The following GCNT2 variants were observed in gnomAD, a reference collection of about 807,000 sequenced individuals.
GCNT2 encodes the protein glucosaminyl (N-acetyl) transferase 2 (I blood group).
A neutral mutation model predicts 34.2 loss-of-function variants in GCNT2; 34 were observed. That is an observed-to-expected ratio of 1.00 (90% CI 0.76 to 1.32). GCNT2 has a LOEUF of 1.32. Among genes scored for constraint, GCNT2 ranks in the 40% most tolerant of loss-of-function variants. The pLI, the probability that GCNT2 is intolerant of heterozygous loss-of-function variation, is 0.00. For synonymous variants in GCNT2, 212 were observed against 188.0 expected, an observed-to-expected ratio of 1.13 and a Z score of -1.04; for missense variants, 584 against 489.4, an observed-to-expected ratio of 1.19 and a Z score of -1.82.
At chr6:10,598,975 G>A (rs1000459595) in intron 3 of GCNT2, among the ~76,000 whole-genome samples, 2 of 152,174 alleles carry the variant, frequency 1.3e-5, no homozygotes, top group African/African-American at 4.8e-5. Flanking sequence ...GTAAATAAGT[G>A]TTGTATTTAT....
intron 1 of GCNT2, among the ~76,000 whole-genome samples, chr6:10,522,031 G>A (rs1276359548): frequency 2.0e-5 from 3 of 151,848 alleles, no homozygotes; most frequent in African/African-American, 7.3e-5. Context: ...GGGACTACAG[G>A]CATGCACAAC....
chr6:10,556,163 G>C, intron 3 of GCNT2: 1 of 1,361,226 alleles, frequency 7.3e-7, no homozygotes, highest in Non-Finnish European at 9.5e-7. Context: ...AGAGGGAGGA[G>C]GGAAGGCTGG....
At chr6:10,622,034 C>T (rs1447151224) in intron 4 of GCNT2, among the ~76,000 whole-genome samples, 1 of 152,228 alleles carries the variant, frequency 6.6e-6, no homozygotes, top group Admixed American at 6.5e-5. Flanking sequence ...TCCCTGCTCC[C>T]CCTACAGGCA....
rs527866839 is a variant in GCNT2, at chr6:10,526,654, G to A, written c.-468-820G>A. Among the ~76,000 whole-genome samples the A allele has an allele frequency of 2.0e-5, 3 of 152,158 alleles. No individual in the cohort carries two copies. In the South Asian group the frequency reaches 6.2e-4, roughly 32 times the overall value. On this transcript the variant is annotated intron_variant, in intron 1 of 4. Coordinates refer to ENST00000495262, the MANE Select transcript of GCNT2 (RefSeq NM_145649.5). ...CCTGGCCTCGAGCTCCTCCCGCCTT[G>A]GCCTCCCAAAAGTGCTGAGATTACA... is the stretch of plus-strand genomic sequence containing the variant.
Position 10,529,075 on chromosome 6 carries a change from G to A in GCNT2, c.164G>A (p.Gly55Glu). Residue 55 changes from glycine to glutamate, a missense_variant, in exon 3 of 5, where the codon GGG (glycine) becomes GAG (glutamate). Gly to Glu is a moderately conservative substitution (Grantham distance 98). Coordinates refer to ENST00000495262, the MANE Select transcript of GCNT2 (RefSeq NM_145649.5). Reference sequence around the variant, plus strand: ...GAAGCCTGTCATCAGATTTTTGAGGGGAAAGTTTTTTACCCAACAGAAAAT... The same window carrying A: ...GAAGCCTGTCATCAGATTTTTGAGGAGAAAGTTTTTTACCCAACAGAAAAT... Reference protein sequence around the residue: ...LAEACHQIFEGKVFYPTENAL... With the variant: ...LAEACHQIFEEKVFYPTENAL... 6.2e-7 allele frequency: 1 copy of A among 1,614,028 alleles called. No individual in the cohort carries two copies.
intron 3 of GCNT2, among the ~76,000 whole-genome samples, chr6:10,563,289 C>G (rs2127387214): frequency 6.6e-6 from 1 of 152,256 alleles, no homozygotes; most frequent in African/African-American, 2.4e-5. Flanking sequence ...GTACCCTTTT[C>G]TCTCATAAAA....
Position 10,576,378 on chromosome 6 carries a change from G to T in GCNT2, c.926-44973G>T, listed in dbSNP as rs560238363. On this transcript the variant is annotated intron_variant, in intron 3 of 4. Coordinates refer to ENST00000495262, the MANE Select transcript of GCNT2 (RefSeq NM_145649.5). ...CACAGCTTTAAATACCTACTACACA[G>T]CCCTGTGCAGAAGAAACACTGATGC... Among the ~76,000 whole-genome samples the T allele has an allele frequency of 5.9e-5, 9 of 152,280 alleles. No homozygotes were observed. The East Asian group carries it at 1.5e-3, about 26-fold the overall frequency.
chr6:10,524,366 C>T (rs901669473), intron 1 of GCNT2, among the ~76,000 whole-genome samples: 2 of 151,948 alleles, frequency 1.3e-5, no homozygotes, highest in South Asian at 2.1e-4. Context: ...ATTCTCCTGC[C>T]TCAGCCTCCT....
intron 3 of GCNT2, among the ~76,000 whole-genome samples, chr6:10,595,081 T>G (rs1054104609): frequency 6.6e-6 from 1 of 152,164 alleles, no homozygotes; most frequent in Non-Finnish European, 1.5e-5. Context: ...CTTGATCATT[T>G]TGATTTCCAT....
At chr6:10,557,453 T>G in intron 3 of GCNT2, 1 of 853,112 alleles carries the variant, frequency 1.2e-6, no homozygotes, top group Non-Finnish European at 2.0e-6. Flanking sequence ...GGAACATATA[T>G]AGTTCTCACC....
chr6:10,602,688 C>T (rs1240951871), intron 3 of GCNT2, among the ~76,000 whole-genome samples: 1 of 152,154 alleles, frequency 6.6e-6, no homozygotes, highest in Admixed American at 6.6e-5. Flanking sequence ...TAATTTCTTA[C>T]TTGGCTGCTC....
At chr6:10,570,490 C>T (rs1369823417) in intron 3 of GCNT2, among the ~76,000 whole-genome samples, 3 of 152,210 alleles carry the variant, frequency 2.0e-5, no homozygotes, top group Non-Finnish European at 2.9e-5. Flanking sequence ...CAGTCTTTCC[C>T]GAGTAAGCTG....
At position 10,528,682 on chromosome 6, in the gene GCNT2, A is replaced by G. The variant is rs189383675; in HGVS notation, c.-230A>G. 9.1e-5 allele frequency: 53 copies of G among 584,130 alleles called. No homozygotes were observed. Among genetic ancestry groups the G allele is most frequent in the African/African-American group, 6.5e-4 (35 of 53,678 alleles). 36.2% of individuals were successfully genotyped at this position (584,130 alleles called of 1,614,324 possible). A position where few individuals can be genotyped will look rare whatever the true frequency, so the allele number is the denominator to read the frequency against. ...CAGGCAAGCCAAATGCAAAGGAGCC[A>G]CTTCAGAAATGTGTCACAGAAAAGT... On this transcript the variant is annotated 5_prime_UTR_variant, in exon 3 of 5. Transcript: ENST00000495262.
chr6:10,548,366 G>A (rs1025620170), intron 3 of GCNT2, among the ~76,000 whole-genome samples: 1 of 152,170 alleles, frequency 6.6e-6, no homozygotes, highest in Non-Finnish European at 1.5e-5. Flanking sequence ...ACCACAAAAG[G>A]CTGCTGCAAC....
chr6:10,556,674 C>T (rs374331731), intron 3 of GCNT2: 6 of 1,614,022 alleles, frequency 3.7e-6, no homozygotes, highest in African/African-American at 1.3e-5. Flanking sequence ...TACATCACAG[C>T]CCCTTTATCT....
chr6:10,624,110 T>C (rs1211557470), intron 4 of GCNT2, among the ~76,000 whole-genome samples: 1 of 152,210 alleles, frequency 6.6e-6, no homozygotes, highest in Admixed American at 6.5e-5. Flanking sequence ...CTAGGCCTCC[T>C]GGCTACCTAC....
At chr6:10,594,764 A>G (rs1032629360) in intron 3 of GCNT2, among the ~76,000 whole-genome samples, 3 of 152,202 alleles carry the variant, frequency 2.0e-5, no homozygotes, top group Non-Finnish European at 4.4e-5. Context: ...TGGCTCACCA[A>G]CCATATAAAA....
intron 4 of GCNT2, among the ~76,000 whole-genome samples, chr6:10,625,427 G>A (rs1766216635): frequency 6.6e-6 from 1 of 151,920 alleles, no homozygotes; most frequent in Non-Finnish European, 1.5e-5. Context: ...CTGGAAAATG[G>A]TTGCAACTTC....
chr6:10,595,146 A>T (rs563758042), intron 3 of GCNT2, among the ~76,000 whole-genome samples: 2 of 152,316 alleles, frequency 1.3e-5, no homozygotes, highest in Admixed American at 6.5e-5. Flanking sequence ...TACCCCTTAC[A>T]TAACACTATG....
Sources: allele counts gnomAD v4.1 joint callset (sites outside exome capture counted in the v4.1 genomes callset), GRCh38; gene constraint gnomAD v4.1.1; transcripts MANE v1.5; gene names NCBI Gene and HGNC (gene_info 2026-07-23, HGNC 2026-07-21).